Variants in GAS2 observed in about 807,000 individuals in gnomAD.
GAS2 encodes growth arrest specific 2, also known as growth arrest-specific protein 2.
A neutral mutation model predicts 37.5 loss-of-function variants in GAS2; 20 were observed. The ratio of observed to expected loss-of-function variants is 0.53; its 90% CI spans 0.37 to 0.77. The LOEUF is 0.77. Among genes scored for constraint, GAS2 ranks in the 30% least tolerant of loss-of-function variants. The pLI, the probability that GAS2 is intolerant of heterozygous loss-of-function variation, is 0.00. For synonymous variants in GAS2, 144 were observed against 132.2 expected (o/e 1.09, Z -0.61); for missense variants, 336 against 373.4 (o/e 0.90, Z 0.82).
intron 7 of GAS2, among the ~76,000 whole-genome samples, chr11:22,802,842 T>C (rs1463014682): frequency 6.6e-6 from 1 of 152,162 alleles, no homozygotes; most frequent in East Asian, 1.9e-4. Flanking sequence ...TTTACTGTAC[T>C]TTTTCTATGT....
At position 22,759,269 on chromosome 11, in the gene GAS2, T is replaced by C. The variant is rs182781538; in HGVS notation, c.723+3316T>C. 3.6e-3 allele frequency among the ~76,000 whole-genome samples: 545 copies of C among 152,352 alleles called. 4 individuals are homozygous for C. Among genetic ancestry groups the C allele is most frequent in the African/African-American group, 0.012 (507 of 41,582 alleles). Reference sequence around the variant, plus strand: ...TTCTGGAAACCAATGTATGAATAGATACTTCCCATACATGGCTATCTAATG... The same window carrying C: ...TTCTGGAAACCAATGTATGAATAGACACTTCCCATACATGGCTATCTAATG... On this transcript the variant is annotated intron_variant, in intron 7 of 7. Coordinates refer to ENST00000454584, the MANE Select transcript of GAS2 (RefSeq NM_001143830.3).
intron 7 of GAS2, among the ~76,000 whole-genome samples, chr11:22,805,181 T>C (rs1245978534): frequency 6.6e-6 from 1 of 152,042 alleles, no homozygotes; most frequent in African/African-American, 2.4e-5. Context: ...GACAGTAATA[T>C]CTTTTTTAAA....
At chr11:22,661,356 T>C (rs1848913822) in intron 1 of GAS2, among the ~76,000 whole-genome samples, 1 of 152,152 alleles carries the variant, frequency 6.6e-6, no homozygotes, top group South Asian at 2.1e-4. Flanking sequence ...TTTACTCAAT[T>C]ATTTGGCAAC....
intron 1 of GAS2, among the ~76,000 whole-genome samples, chr11:22,635,122 G>C (rs1424695552): frequency 6.6e-6 from 1 of 152,160 alleles, no homozygotes; most frequent in African/African-American, 2.4e-5. Flanking sequence ...ATGTTACCCA[G>C]GGTAGGTACT....
At chr11:22,811,431 CTGGGAAAAA>C (rs561606125) in intron 7 of GAS2, among the ~76,000 whole-genome samples, 61 of 152,216 alleles carry the variant, frequency 4.0e-4, no homozygotes, top group African/African-American at 1.4e-3. Flanking sequence ...GAATAACCCA[CTGGGAAAAA>C]TGGAGCACTA....
At chr11:22,629,325 A>C (rs1306606038) in intron 1 of GAS2, among the ~76,000 whole-genome samples, 1 of 152,140 alleles carries the variant, frequency 6.6e-6, no homozygotes, top group Non-Finnish European at 1.5e-5. Context: ...CATCCGTGCC[A>C]GCATCTATTG....
At chr11:22,797,813 T>C (rs540654267) in intron 7 of GAS2, among the ~76,000 whole-genome samples, 10 of 152,098 alleles carry the variant, frequency 6.6e-5, no homozygotes, top group Non-Finnish European at 1.5e-4. Context: ...ACAATGAGGC[T>C]CAGATTCATA....
At chr11:22,718,349 T>G (rs1463635689) in intron 3 of GAS2, among the ~76,000 whole-genome samples, 6 of 152,000 alleles carry the variant, frequency 3.9e-5, no homozygotes, top group Non-Finnish European at 8.8e-5. Context: ...TGGAATGAAA[T>G]AATGGCATTC....
chr11:22,689,332 A>G (rs1565088362), intron 3 of GAS2, among the ~76,000 whole-genome samples: 1 of 152,154 alleles, frequency 6.6e-6, no homozygotes, highest in Non-Finnish European at 1.5e-5. Context: ...TGCTCAATAC[A>G]TCAAATTTGA....
intron 3 of GAS2, among the ~76,000 whole-genome samples, chr11:22,721,638 A>G (rs969080141): frequency 6.6e-6 from 1 of 152,130 alleles, no homozygotes; most frequent in African/African-American, 2.4e-5. Flanking sequence ...AAGTTGATAA[A>G]TGAAATAAAT....
At chr11:22,794,010 T>C (rs1856305650) in intron 7 of GAS2, among the ~76,000 whole-genome samples, 1 of 152,152 alleles carries the variant, frequency 6.6e-6, no homozygotes, top group African/African-American at 2.4e-5. Flanking sequence ...CTTACTTTTG[T>C]AACGATTTCA....
At chr11:22,634,286 T>G (rs1339411228) in intron 1 of GAS2, among the ~76,000 whole-genome samples, 1 of 152,136 alleles carries the variant, frequency 6.6e-6, no homozygotes, top group African/African-American at 2.4e-5. Context: ...CATGATTCAG[T>G]TATCTCCCAC....
chr11:22,720,194 G>A (rs1376506928), intron 3 of GAS2, among the ~76,000 whole-genome samples: 1 of 151,952 alleles, frequency 6.6e-6, no homozygotes. Context: ...TATTCCTATG[G>A]CATTACAGCA....
intron 4 of GAS2, 119 bp downstream of exon 4, chr11:22,726,552 A>G: frequency 1.2e-6 from 1 of 818,450 alleles, no homozygotes; most frequent in Non-Finnish European, 2.0e-6. Context: ...TAGCTTAAAA[A>G]GTCTGAGTTT....
chr11:22,627,590 A>G (rs1858680753), intron 1 of GAS2, among the ~76,000 whole-genome samples: 1 of 152,140 alleles, frequency 6.6e-6, no homozygotes, highest in Non-Finnish European at 1.5e-5. Flanking sequence ...CCAATATGGC[A>G]AAACTCTGTC....
At chr11:22,773,085 G>A (rs940249268) in intron 7 of GAS2, among the ~76,000 whole-genome samples, 7 of 152,020 alleles carry the variant, frequency 4.6e-5, no homozygotes, top group African/African-American at 1.7e-4. Context: ...TGGCACCTAG[G>A]GCTGAAACAC....
At chr11:22,797,922 A>G (rs1856505006) in intron 7 of GAS2, among the ~76,000 whole-genome samples, 2 of 152,080 alleles carry the variant, frequency 1.3e-5, no homozygotes, top group African/African-American at 4.8e-5. Context: ...TAAAATGGCA[A>G]TATGTATCCC....
At chr11:22,732,561 G>A (rs1852529876) in intron 4 of GAS2, among the ~76,000 whole-genome samples, 1 of 151,538 alleles carries the variant, frequency 6.6e-6, no homozygotes, top group Non-Finnish European at 1.5e-5. Flanking sequence ...CCCCTAAATT[G>A]CTATCCCTAT....
chr11:22,675,095 G>A (rs1263801079), intron 2 of GAS2, 81 bp downstream of exon 2: 4 of 1,311,274 alleles, frequency 3.1e-6, no homozygotes, highest in Non-Finnish European at 3.1e-6. Flanking sequence ...CTTCACCTAA[G>A]CATGTGATAG....
Sources: gnomAD v4.1 joint callset for allele counts (sites outside exome capture counted in the v4.1 genomes callset) on GRCh38, gnomAD v4.1.1 for gene constraint, MANE v1.5 for transcripts, NCBI Gene and HGNC (gene_info 2026-07-23, HGNC 2026-07-21) for gene names.